The following NCKAP5 variants were observed in gnomAD, a reference collection of about 807,000 sequenced individuals.
The protein encoded by NCKAP5 is nck-associated protein 5.
Under a neutral mutation model 167.0 loss-of-function variants are expected in NCKAP5, and 92 were observed. That is an observed-to-expected ratio of 0.55 (90% confidence interval 0.47 to 0.66). The LOEUF is 0.66. Among genes scored for constraint, NCKAP5 ranks in the 30% least tolerant of loss-of-function variants. The probability of loss-of-function intolerance (pLI) is 0.00; values close to 1 mark genes in which losing one functional copy is unlikely to be tolerated. For missense variants in NCKAP5, 2,378 were observed against 2,315.0 expected (o/e 1.03, Z -0.56); for synonymous variants, 891 against 877.4 (o/e 1.02, Z -0.27).
intron 6 of NCKAP5, among the ~76,000 whole-genome samples, chr2:133,012,137 A>G (rs1000937631): frequency 1.3e-5 from 2 of 151,864 alleles, no homozygotes; most frequent in African/African-American, 4.8e-5. Context: ...TCTCCCCACT[A>G]CCTGTTATAA....
chr2:133,244,760 T>C (rs1208012041), intron 4 of NCKAP5, among the ~76,000 whole-genome samples: 1 of 152,132 alleles, frequency 6.6e-6, no homozygotes, highest in East Asian at 1.9e-4. Flanking sequence ...TGGACACCCA[T>C]ATGAAGGAAA....
intron 4 of NCKAP5, among the ~76,000 whole-genome samples, chr2:133,218,827 C>T (rs2086538311): frequency 6.6e-6 from 1 of 152,142 alleles, no homozygotes; most frequent in African/African-American, 2.4e-5. Context: ...AAAGAGATGG[C>T]CTTTATAAAC....
intron 4 of NCKAP5, among the ~76,000 whole-genome samples, chr2:133,271,544 C>G (rs750248000): frequency 1.4e-4 from 22 of 152,094 alleles, no homozygotes; most frequent in Non-Finnish European, 2.5e-4. Context: ...GATAGAGGAA[C>G]AGATAAATGA....
At chr2:133,464,967 A>G (rs1428393503) in intron 3 of NCKAP5, among the ~76,000 whole-genome samples, 2 of 151,196 alleles carry the variant, frequency 1.3e-5, no homozygotes, top group Admixed American at 1.3e-4. Context: ...ATGATTTAAG[A>G]TATGTAAATA....
intron 6 of NCKAP5, among the ~76,000 whole-genome samples, chr2:133,068,245 C>T (rs2080266813): frequency 6.6e-6 from 1 of 152,180 alleles, no homozygotes. Flanking sequence ...CCAGGGCTCA[C>T]TCAGATGTAC....
At chr2:133,668,318 T>C in the NCKAP5 span, among the ~76,000 whole-genome samples, 1 of 152,078 alleles carries the variant, frequency 6.6e-6, no homozygotes, top group Non-Finnish European at 1.5e-5. Context: ...TGATGCATCA[T>C]ATGGAAACAC....
At chr2:133,260,788 T>C (rs1314659586) in intron 4 of NCKAP5, among the ~76,000 whole-genome samples, 3 of 152,192 alleles carry the variant, frequency 2.0e-5, no homozygotes, top group Non-Finnish European at 4.4e-5. Flanking sequence ...GAAGGCAAGC[T>C]GATACAAATT....
At chr2:132,856,193 G>C (rs999058176) in intron 11 of NCKAP5, among the ~76,000 whole-genome samples, 8 of 152,156 alleles carry the variant, frequency 5.3e-5, no homozygotes, top group African/African-American at 1.7e-4. Flanking sequence ...TGGGACAGCT[G>C]TTTCTTATAT....
At chr2:133,575,344 T>C in the NCKAP5 span, among the ~76,000 whole-genome samples, 1 of 152,218 alleles carries the variant, frequency 6.6e-6, no homozygotes, top group South Asian at 2.1e-4. Flanking sequence ...CTACTGGATT[T>C]GGGAAATTAT....
At chr2:133,218,498 G>A (rs1347671261) in intron 4 of NCKAP5, among the ~76,000 whole-genome samples, 1 of 152,188 alleles carries the variant, frequency 6.6e-6, no homozygotes, top group Non-Finnish European at 1.5e-5. Context: ...TGATCTTGCA[G>A]TTCCTTTGAA....
At chr2:132,712,076 A>T (rs763447601) in intron 19 of NCKAP5, among the ~76,000 whole-genome samples, 1 of 152,154 alleles carries the variant, frequency 6.6e-6, no homozygotes, top group Non-Finnish European at 1.5e-5. Flanking sequence ...TCACTGGCAC[A>T]CACAGATCAC....
chr2:133,524,049 C>T lies in NCKAP5; in HGVS notation c.-61-6462G>A, dbSNP rs147909562. Among the ~76,000 whole-genome samples, 411 of 152,224 alleles carry T rather than the reference C, an allele frequency of 2.7e-3. 4 individuals carry two copies. Among genetic ancestry groups the T allele is most frequent in the Non-Finnish European group, 4.6e-3 (314 of 68,010 alleles). On this transcript the variant is annotated intron_variant, in intron 2 of 19. Coordinates refer to ENST00000409261, the MANE Select transcript of NCKAP5 (RefSeq NM_207363.3). ...AAGAGCAGTGGCTGTCAAGCTTTGC[C>T]GCATGTTAGATGGAGTCACCTGGGG...
chr2:133,595,703 A>C, the NCKAP5 span, among the ~76,000 whole-genome samples: 1 of 152,018 alleles, frequency 6.6e-6, no homozygotes, highest in Non-Finnish European at 1.5e-5. Flanking sequence ...AAAGGGCTAG[A>C]TGGTAAATAT....
chr2:132,804,012 G>A (rs759087606), intron 11 of NCKAP5, among the ~76,000 whole-genome samples: 23 of 152,140 alleles, frequency 1.5e-4, no homozygotes, highest in Non-Finnish European at 2.9e-5. Context: ...TCTGTGCAAA[G>A]GGAACTTAGC....
At chr2:133,246,619 T>C (rs1211641186) in intron 4 of NCKAP5, among the ~76,000 whole-genome samples, 3 of 152,212 alleles carry the variant, frequency 2.0e-5, no homozygotes, top group Admixed American at 6.5e-5. Context: ...AATAGCATTG[T>C]TTCTTGAAAT....
At chr2:133,385,485 CA>C (rs1346067117) in intron 3 of NCKAP5, among the ~76,000 whole-genome samples, 22 of 152,296 alleles carry the variant, frequency 1.4e-4, no homozygotes, top group Admixed American at 1.4e-3. Flanking sequence ...TGATGTTCAT[CA>C]GGGATATTGG....
intron 4 of NCKAP5, among the ~76,000 whole-genome samples, chr2:133,297,326 T>C (rs1680039209): frequency 6.6e-6 from 1 of 152,174 alleles, no homozygotes; most frequent in South Asian, 2.1e-4. Context: ...TTCTCAGTTT[T>C]CCTCTTTAGG....
intron 3 of NCKAP5, among the ~76,000 whole-genome samples, chr2:133,334,774 C>T (rs1010146433): frequency 1.3e-5 from 2 of 152,140 alleles, no homozygotes; most frequent in African/African-American, 4.8e-5. Context: ...GATGCCTTGC[C>T]AGAAAATAAT....
chr2:132,904,193 C>A (rs950257904), intron 8 of NCKAP5, among the ~76,000 whole-genome samples: 2 of 151,924 alleles, frequency 1.3e-5, no homozygotes, highest in African/African-American at 2.4e-5. Context: ...GAGGCTGAGG[C>A]AAGAGAATGG....
Sources: allele counts gnomAD v4.1 joint callset (sites outside exome capture counted in the v4.1 genomes callset), GRCh38; gene constraint gnomAD v4.1.1; transcripts MANE v1.5; gene names NCBI Gene and HGNC (gene_info 2026-07-23, HGNC 2026-07-21).